The following CTNNA3 variants were observed in gnomAD, a reference collection of about 807,000 sequenced individuals.
The protein encoded by CTNNA3 is catenin alpha 3.
CTNNA3 carries 76 observed loss-of-function variants against 95.7 expected under a neutral mutation model. The observed-to-expected ratio is 0.79, with a 90% CI of 0.66 to 0.96. CTNNA3 has a LOEUF of 0.96. Among genes scored for constraint, CTNNA3 ranks in the 40% least tolerant of loss-of-function variants. The pLI is 0.00. For synonymous variants in CTNNA3, 431 were observed against 374.4 expected (o/e 1.15, Z -1.74); for missense variants, 1,191 against 1,089.8 (o/e 1.09, Z -1.31).
chr10:67,108,512 A>ACTATG (rs1310414272), intron 7 of CTNNA3, among the ~76,000 whole-genome samples: 2 of 152,184 alleles, frequency 1.3e-5, no homozygotes, highest in Non-Finnish European at 2.9e-5. Flanking sequence ...TATTCCAGTG[A>ACTATG]CTATGATGTG....
intron 3 of CTNNA3, among the ~76,000 whole-genome samples, chr10:67,562,440 C>G (rs552044073): frequency 9.9e-5 from 15 of 152,206 alleles, no homozygotes; most frequent in East Asian, 1.9e-4. Context: ...ATTCAACAAC[C>G]CTTCATGCTA....
intron 11 of CTNNA3, among the ~76,000 whole-genome samples, chr10:66,474,415 G>A (rs1344544628): frequency 1.3e-5 from 2 of 152,024 alleles, no homozygotes; most frequent in Non-Finnish European, 2.9e-5. Flanking sequence ...ATCCCACTGT[G>A]TATGTATAAC....
At chr10:66,028,152 T>C (rs563182299) in intron 15 of CTNNA3, among the ~76,000 whole-genome samples, 1 of 152,294 alleles carries the variant, frequency 6.6e-6, no homozygotes, top group Admixed American at 6.5e-5. Context: ...GAAAATGGAC[T>C]GTAAACTAGT....
chr10:66,923,701 A>G (rs1589430039), intron 7 of CTNNA3, among the ~76,000 whole-genome samples: 1 of 152,196 alleles, frequency 6.6e-6, no homozygotes, highest in Non-Finnish European at 1.5e-5. Context: ...AAGTTTTCTC[A>G]CTTTCTAGTT....
rs79708069 is a variant in CTNNA3, at chr10:66,874,380, A to C, written c.1048-98856T>G. ...GTTTTGTCATATTTGGAATATTATTAATCTCTCTGAGTCATATTGAAAGAA... is the reference window on the plus strand; with the variant it reads ...GTTTTGTCATATTTGGAATATTATTCATCTCTCTGAGTCATATTGAAAGAA... On this transcript the variant is annotated intron_variant, in intron 7 of 17. Coordinates refer to ENST00000433211, the MANE Select transcript of CTNNA3 (RefSeq NM_013266.4). Among the ~76,000 whole-genome samples the C allele has an allele frequency of 4.5e-3, 690 of 152,314 alleles. 8 individuals are homozygous for C. Among genetic ancestry groups the C allele is most frequent in the African/African-American group, 0.016 (649 of 41,580 alleles).
chr10:66,768,784 C>CA (rs9331404), intron 8 of CTNNA3, among the ~76,000 whole-genome samples: 29 of 150,606 alleles, frequency 1.9e-4, no homozygotes, highest in Middle Eastern at 3.4e-3. Flanking sequence ...AGACTGACAG[C>CA]AAAAAAAAAA....
At chr10:66,246,096 C>T (rs997784949) in intron 13 of CTNNA3, among the ~76,000 whole-genome samples, 1 of 152,360 alleles carries the variant, frequency 6.6e-6, no homozygotes, top group East Asian at 1.9e-4. Flanking sequence ...TACCCCCTTC[C>T]ACCCAGCAAT....
In CTNNA3 at chr10:66,178,399, G is replaced by GTATA. The variant is rs71035113; in HGVS notation, c.1885-75154_1885-75151dup. 2.8e-3 allele frequency among the ~76,000 whole-genome samples: 257 copies of GTATA among 90,960 alleles called. 1 individual carries two copies. The highest frequency in any genetic ancestry group is 3.2e-3 in the Non-Finnish European group (134 of 41,976). The allele number at this position is 90,960 out of a possible 152,430, so 59.7% of individuals were successfully genotyped here. ...ACATACAACTACAAACCTTGAAAGTGTATATATATATATATATATATATAT... is the reference window on the plus strand; with the variant it reads ...ACATACAACTACAAACCTTGAAAGTGTATATATATATATATATATATATATATAT... On this transcript the variant is annotated intron_variant, in intron 13 of 17. Transcript: ENST00000433211.
intron 12 of CTNNA3, among the ~76,000 whole-genome samples, chr10:66,334,439 A>G (rs1247286704): frequency 6.6e-6 from 1 of 151,612 alleles, no homozygotes; most frequent in African/African-American, 2.4e-5. Flanking sequence ...TGGTGACAAA[A>G]TCTCTCAGTG....
At chr10:67,601,470 T>TG (rs1461990173) in intron 3 of CTNNA3, among the ~76,000 whole-genome samples, 23 of 152,152 alleles carry the variant, frequency 1.5e-4, no homozygotes, top group Non-Finnish European at 4.4e-5. Flanking sequence ...AATGCTCACT[T>TG]GCCTGCCACT....
At chr10:66,847,651 T>C (rs902364997) in intron 7 of CTNNA3, among the ~76,000 whole-genome samples, 1 of 152,158 alleles carries the variant, frequency 6.6e-6, no homozygotes, top group African/African-American at 2.4e-5. Flanking sequence ...CTGGGTCTAA[T>C]AACAAATATA....
chr10:66,450,276 T>C (rs1441269551), intron 11 of CTNNA3, among the ~76,000 whole-genome samples: 1 of 152,166 alleles, frequency 6.6e-6, no homozygotes, highest in Non-Finnish European at 1.5e-5. Context: ...AGAGTTTTGG[T>C]ATTTTTTCCA....
intron 15 of CTNNA3, among the ~76,000 whole-genome samples, chr10:66,006,009 C>CTT (rs11415177): frequency 1.1e-3 from 133 of 115,968 alleles, no homozygotes; most frequent in Admixed American, 2.5e-3. Context: ...CAAGGAAAGC[C>CTT]TTTTTTTTTT....
At chr10:67,005,861 T>C (rs1851955319) in intron 7 of CTNNA3, among the ~76,000 whole-genome samples, 1 of 151,486 alleles carries the variant, frequency 6.6e-6, no homozygotes, top group African/African-American at 2.4e-5. Context: ...AATTTTTCTA[T>C]TTTTAGTAGA....
chr10:66,580,984 A>AG (rs1216112979), intron 10 of CTNNA3, among the ~76,000 whole-genome samples: 2 of 151,736 alleles, frequency 1.3e-5, no homozygotes, highest in Non-Finnish European at 3.0e-5. Context: ...CACTTATAAG[A>AG]GAGAACCTTC....
intron 10 of CTNNA3, among the ~76,000 whole-genome samples, chr10:66,555,819 T>G (rs779073950): frequency 6.6e-6 from 1 of 151,916 alleles, no homozygotes; most frequent in East Asian, 1.9e-4. Flanking sequence ...ACACTGACCC[T>G]GGAAATAACT....
At chr10:66,242,338 C>T (rs2090145222) in intron 13 of CTNNA3, among the ~76,000 whole-genome samples, 1 of 152,068 alleles carries the variant, frequency 6.6e-6, no homozygotes, top group Non-Finnish European at 1.5e-5. Context: ...CTGGATTTCA[C>T]CAAAATCAGC....
chr10:67,251,768 C>T (rs1866118038), intron 5 of CTNNA3, among the ~76,000 whole-genome samples: 1 of 152,064 alleles, frequency 6.6e-6, no homozygotes, highest in South Asian at 2.1e-4. Flanking sequence ...AATTTGCCAT[C>T]GTATGGTCAG....
chr10:66,672,853 G>C (rs1433124373), intron 9 of CTNNA3, among the ~76,000 whole-genome samples: 1 of 152,040 alleles, frequency 6.6e-6, no homozygotes, highest in Admixed American at 6.6e-5. Context: ...GATCCAAAAA[G>C]CTCTTAAGAT....
Sources: gnomAD v4.1 joint callset for allele counts (sites outside exome capture counted in the v4.1 genomes callset) on GRCh38, gnomAD v4.1.1 for gene constraint, MANE v1.5 for transcripts, NCBI Gene and HGNC (gene_info 2026-07-23, HGNC 2026-07-21) for gene names.